RUNX1: variants seen among roughly 807,000 people sequenced by gnomAD.
RUNX1 encodes runt-related transcription factor 1.
A neutral mutation model predicts 42.8 loss-of-function variants in RUNX1; 19 were observed. The observed-to-expected ratio is 0.44, with a 90% confidence interval of 0.31 to 0.65. The LOEUF (loss-of-function observed/expected upper bound fraction) is 0.65, where lower values mean the gene tolerates loss of function less well. Ranked by LOEUF, RUNX1 falls within the 30% of genes least tolerant of loss-of-function variation. RUNX1 has a pLI of 0.07. For missense variants in RUNX1, 528 were observed against 672.0 expected (o/e 0.79, Z 2.37); for synonymous variants, 271 against 289.4 (o/e 0.94, Z 0.64).
chr21:34,793,621 A>G (rs565214462), intron 8 of RUNX1, among the ~76,000 whole-genome samples: 1 of 152,280 alleles, frequency 6.6e-6, no homozygotes, highest in Admixed American at 6.5e-5. Flanking sequence ...TCTTTCATGT[A>G]CTGCCTGTGG....
chr21:35,048,864 C>A lies in RUNX1; in HGVS notation c.36G>T (p.Ser12=), dbSNP rs201490575. Residue 12 remains serine, a synonymous_variant, in exon 2 of 9, where the codon TCG becomes TCT. Transcript: ENST00000675419. ...CACCTCTCATGAAGCACTGTGGGTA[C>A]GAAGGAAATGACTCAAATATGCTGT... ...ASDSIFESFP[S]YPQCFMRECI... 1 of 1,613,956 alleles carries A rather than the reference C, an allele frequency of 6.2e-7. No homozygotes were observed. The highest frequency in any genetic ancestry group is 1.1e-5 in the South Asian group (1 of 91,074).
intron 6 of RUNX1, among the ~76,000 whole-genome samples, chr21:34,855,955 A>G (rs182281130): frequency 6.6e-6 from 1 of 152,340 alleles, no homozygotes; most frequent in Non-Finnish European, 1.5e-5. Flanking sequence ...AATAATTTCT[A>G]TATTACTCTA....
intron 6 of RUNX1, chr21:34,856,583 A>G: frequency 2.6e-6 from 1 of 389,798 alleles, no homozygotes; most frequent in Non-Finnish European, 5.0e-6. Context: ...ACGCTTCATC[A>G]TCAACTATCT....
At chr21:34,862,851 C>T (rs1044695812) in intron 5 of RUNX1, among the ~76,000 whole-genome samples, 10 of 152,220 alleles carry the variant, frequency 6.6e-5, no homozygotes, top group African/African-American at 2.4e-4. Context: ...CCCATCATGG[C>T]TCTACCAGTG....
intron 2 of RUNX1, among the ~76,000 whole-genome samples, chr21:35,048,094 G>A (rs2147039062): frequency 6.6e-6 from 1 of 152,340 alleles, no homozygotes; most frequent in South Asian, 2.1e-4. Flanking sequence ...GACTTAAGCT[G>A]CGAGAATGCT....
chr21:34,821,778 C>G (rs959343622), intron 7 of RUNX1: 13 of 1,240,832 alleles, frequency 1.0e-5, no homozygotes, highest in Non-Finnish European at 1.4e-5. Context: ...TTCCCCTCCC[C>G]TACCCCAAGG....
At chr21:34,918,323 A>AG (rs2058327952) in intron 2 of RUNX1, among the ~76,000 whole-genome samples, 1 of 152,032 alleles carries the variant, frequency 6.6e-6, no homozygotes, top group African/African-American at 2.4e-5. Context: ...TTCTCAACAT[A>AG]GGTTTGTGAC....
intron 7 of RUNX1, 84 bp from the exon 8 acceptor site, chr21:34,799,546 G>A (rs1028446928): frequency 5.3e-5 from 65 of 1,222,182 alleles, no homozygotes; most frequent in Non-Finnish European, 9.5e-6. Flanking sequence ...AGTGGCCCTT[G>A]TTCAAATATG....
chr21:35,008,640 C>T (rs1047511687), intron 2 of RUNX1, among the ~76,000 whole-genome samples: 24 of 152,242 alleles, frequency 1.6e-4, no homozygotes, highest in Admixed American at 1.4e-3. Flanking sequence ...TGAATGTGCA[C>T]TGCAAGAATA....
chr21:34,948,087 CT>C (rs368333100), intron 2 of RUNX1, among the ~76,000 whole-genome samples: 1,696 of 136,886 alleles, frequency 0.012, 20 homozygotes, highest in East Asian at 0.035. Flanking sequence ...CAAAAGAAAT[CT>C]TTTTTTTTTT....
intron 7 of RUNX1, among the ~76,000 whole-genome samples, chr21:34,820,644 C>CA (rs550724165): frequency 0.066 from 8,871 of 134,108 alleles, 350 homozygotes; most frequent in Middle Eastern, 0.17. Context: ...AACACCGTCT[C>CA]AAAAAAAAAA....
chr21:34,850,888 A>G (rs1404835599), intron 6 of RUNX1, among the ~76,000 whole-genome samples: 1 of 152,172 alleles, frequency 6.6e-6, no homozygotes, highest in Non-Finnish European at 1.5e-5. Context: ...TCTCATTTCC[A>G]GAAGGATTTC....
intron 3 of RUNX1, chr21:34,887,609 G>A (rs1601530839): frequency 4.6e-6 from 5 of 1,087,026 alleles, no homozygotes; most frequent in Non-Finnish European, 5.6e-6. Flanking sequence ...CCGTAACAAG[G>A]CCACTTTTAT....
chr21:34,978,026 T>C (rs2058816226), intron 2 of RUNX1, among the ~76,000 whole-genome samples: 1 of 151,928 alleles, frequency 6.6e-6, no homozygotes, highest in African/African-American at 2.4e-5. Context: ...AGGTTCACCA[T>C]TCTCCTGCTT....
chr21:34,792,161 C>A lies in RUNX1; in HGVS notation c.1417G>T (p.Glu473Ter). The change falls in exon 9 of 9, where the codon GAG (glutamate) becomes TAG (stop). Residue 473 changes from glutamate (E) to a stop codon, truncating the protein, a stop_gained. Transcript: ENST00000675419. LOFTEE classifies it high-confidence loss of function. This position sits in a 1 kb window ranked among gnomAD's most constrained non-coding sequence, Gnocchi z 6.9. Reference protein sequence around the residue: ...PTNMAPSARLEEAVWRPY With the variant: ...PTNMAPSARL ...CAGTAGGGCCTCCACACGGCCTCCT[C>A]CAGGCGCGCGGAGGGCGCCATGTTG... 1 of 1,515,014 alleles carries A rather than the reference C, an allele frequency of 6.6e-7. No individual in the cohort carries two copies. The highest frequency in any genetic ancestry group is 2.5e-5 in the East Asian group (1 of 40,548). 93.8% of individuals were successfully genotyped at this position (1,515,014 alleles called of 1,614,324 possible). A position where few individuals can be genotyped will look rare whatever the true frequency, so the allele number is the denominator to read the frequency against.
At chr21:34,889,163 CCGCGGACGGCCCCAGATCCTG>C (rs1428436377) in intron 3 of RUNX1, among the ~76,000 whole-genome samples, 1 of 151,860 alleles carries the variant, frequency 6.6e-6, no homozygotes, top group African/African-American at 2.4e-5. Context: ...GGGCTGCAGC[CCGCGGACGGCCCCAGATCCTG>C]CGCGGCCGCC....
chr21:34,842,034 T>G (rs1045533032), intron 6 of RUNX1, among the ~76,000 whole-genome samples: 3 of 152,224 alleles, frequency 2.0e-5, no homozygotes, highest in Admixed American at 6.5e-5. Context: ...ACTCAGGTCC[T>G]TCATGATTGG....
intron 3 of RUNX1, chr21:34,887,468 C>T (rs1006961252): frequency 1.1e-4 from 140 of 1,265,238 alleles, no homozygotes; most frequent in Non-Finnish European, 1.3e-4. Flanking sequence ...AATTCTCATA[C>T]ACTTCCTAAA....
chr21:34,971,631 G>A (rs141512523), intron 2 of RUNX1, among the ~76,000 whole-genome samples: 4 of 152,158 alleles, frequency 2.6e-5, no homozygotes, highest in African/African-American at 7.2e-5. Flanking sequence ...TGTCAAAGAA[G>A]GAAAGGTGCA....
Sources: gnomAD v4.1 joint callset for allele counts (sites outside exome capture counted in the v4.1 genomes callset) on GRCh38, gnomAD v4.1.1 for gene constraint, Gnocchi (gnomAD v3.1) non-coding constraint, MANE v1.5 for transcripts, NCBI Gene and HGNC (gene_info 2026-07-23, HGNC 2026-07-21) for gene names.